The following DLC1 variants were observed in gnomAD, a reference collection of about 807,000 sequenced individuals.
The protein encoded by DLC1 is rho GTPase-activating protein 7.
Under a neutral mutation model 140.3 loss-of-function variants are expected in DLC1, and 54 were observed. That is an observed-to-expected ratio of 0.38 (90% CI 0.31 to 0.48). The LOEUF (loss-of-function observed/expected upper bound fraction) is 0.48, where lower values mean the gene tolerates loss of function less well. DLC1 is among the 20% of genes least tolerant of loss of function. The probability of loss-of-function intolerance (pLI) is 0.96; values close to 1 mark genes in which losing one functional copy is unlikely to be tolerated. For synonymous variants in DLC1, 986 were observed against 728.1 expected, an observed-to-expected ratio of 1.35 and a Z score of -5.70; for missense variants, 2,536 against 1,907.0, an observed-to-expected ratio of 1.33 and a Z score of -6.14.
chr8:13,544,671 A>G (rs974883705), intron 1 of DLC1, among the ~76,000 whole-genome samples: 8 of 152,198 alleles, frequency 5.3e-5, no homozygotes, highest in African/African-American at 1.9e-4. Context: ...CGAGATGAAG[A>G]AATGTAGTCA....
intron 5 of DLC1, among the ~76,000 whole-genome samples, chr8:13,255,045 C>T (rs557080881): frequency 3.9e-5 from 6 of 151,930 alleles, no homozygotes; most frequent in African/African-American, 9.7e-5. Flanking sequence ...GGCGCAATCT[C>T]GGCTCACTGC....
chr8:13,363,741 A>C (rs1406938422), intron 4 of DLC1, among the ~76,000 whole-genome samples: 2 of 152,192 alleles, frequency 1.3e-5, no homozygotes, highest in Non-Finnish European at 2.9e-5. Context: ...TAGGTCCAGC[A>C]AAATCTAAGG....
At chr8:13,584,749 C>G (rs528049209) in intron 1 of DLC1, among the ~76,000 whole-genome samples, 2 of 152,236 alleles carry the variant, frequency 1.3e-5, no homozygotes, top group African/African-American at 4.8e-5. Flanking sequence ...CGAAGGGCAA[C>G]TTTCGCTCAA....
At chr8:13,249,538 A>C (rs950118255) in intron 5 of DLC1, among the ~76,000 whole-genome samples, 1 of 152,114 alleles carries the variant, frequency 6.6e-6, no homozygotes, top group African/African-American at 2.4e-5. Context: ...CCTCCTAGCC[A>C]AGGCTCTCTT....
chr8:13,568,008 T>C (rs2117402520), intron 1 of DLC1: 3 of 1,460,598 alleles, frequency 2.1e-6, no homozygotes, highest in East Asian at 2.5e-5. Flanking sequence ...CTACAGGCAC[T>C]TGGGAAACTA....
At chr8:13,593,762 G>C (rs1048192921) in intron 1 of DLC1, among the ~76,000 whole-genome samples, 6 of 152,102 alleles carry the variant, frequency 3.9e-5, no homozygotes, top group Non-Finnish European at 8.8e-5. Context: ...GTTATACTCA[G>C]AAGTGAAACA....
chr8:13,297,286 A>AAAAAAAAAAAAAAAAAAAAAAAAAAC (rs1294211302), intron 5 of DLC1, among the ~76,000 whole-genome samples: 1 of 141,082 alleles, frequency 7.1e-6, no homozygotes. Flanking sequence ...ATACATTAAA[A>AAAAAAAAAAAAAAAAAAAAAAAAAAC]AAAAAAAAAA....
intron 2 of DLC1, among the ~76,000 whole-genome samples, chr8:13,460,452 A>G (rs972417719): frequency 1.3e-5 from 2 of 152,174 alleles, no homozygotes; most frequent in Non-Finnish European, 2.9e-5. Flanking sequence ...TTTAGACCTG[A>G]TTGTGTGTGG....
At chr8:13,305,736 C>G (rs966358302) in intron 4 of DLC1, among the ~76,000 whole-genome samples, 4 of 152,128 alleles carry the variant, frequency 2.6e-5, no homozygotes, top group Admixed American at 6.6e-5. Flanking sequence ...ACTTGGAAGG[C>G]TGAGGTAGGA....
chr8:13,090,174 G>T, intron 15 of DLC1, 78 bp downstream of exon 15: 1 of 1,385,630 alleles, frequency 7.2e-7, no homozygotes, highest in Non-Finnish European at 1.0e-6. Context: ...CAGATTAGTT[G>T]GCAAAAGCGT....
chr8:13,447,380 C>A (rs1193853179), intron 2 of DLC1, among the ~76,000 whole-genome samples: 3 of 152,118 alleles, frequency 2.0e-5, no homozygotes, highest in Admixed American at 6.6e-5. Context: ...TTGAGTAATA[C>A]CTATTTGGCA....
chr8:13,253,447 G>A (rs746551813), intron 5 of DLC1, among the ~76,000 whole-genome samples: 3 of 152,084 alleles, frequency 2.0e-5, no homozygotes, highest in Non-Finnish European at 4.4e-5. Flanking sequence ...GTGTGTGTGT[G>A]TGTGATTGTA....
chr8:13,418,023 T>C (rs570030134), intron 2 of DLC1, among the ~76,000 whole-genome samples: 4 of 152,350 alleles, frequency 2.6e-5, no homozygotes, highest in African/African-American at 7.2e-5. Context: ...TTTTGAGAAG[T>C]GTCTGTTCAT....
chr8:13,099,735 A>G lies in DLC1; in HGVS notation c.2602T>C (p.Ser868Pro). The G allele has an allele frequency of 6.2e-7, 1 of 1,614,036 alleles. No individual in the cohort carries two copies. The highest frequency in any genetic ancestry group is 8.5e-7 in the Non-Finnish European group (1 of 1,180,012). ...DSPKELKRRNSSSSMSSRLSI... is the reference protein window; with the variant it reads ...DSPKELKRRNPSSSMSSRLSI... Reference sequence around the variant, plus strand: ...AGGCGGCTGCTCATGGAGCTGGAAGAATTGCGTCTCTTCAGTTCCTTGGGG... The same window carrying G: ...AGGCGGCTGCTCATGGAGCTGGAAGGATTGCGTCTCTTCAGTTCCTTGGGG... The change falls in exon 9 of 18, where the codon TCT (serine) becomes CCT (proline). Residue 868 changes from serine (S) to proline (P), a missense_variant. Coordinates refer to ENST00000276297, the MANE Select transcript of DLC1 (RefSeq NM_182643.3).
intron 4 of DLC1, among the ~76,000 whole-genome samples, chr8:13,377,284 T>G (rs1401268474): frequency 3.3e-5 from 5 of 152,196 alleles, no homozygotes; most frequent in Non-Finnish European, 7.3e-5. Context: ...AAGTGTGGAA[T>G]TTGGAAGTAA....
intron 4 of DLC1, among the ~76,000 whole-genome samples, chr8:13,380,256 T>C (rs1047892524): frequency 6.6e-6 from 1 of 152,212 alleles, no homozygotes; most frequent in African/African-American, 2.4e-5. Flanking sequence ...TATGTTATTC[T>C]CCCCGGAAAA....
intron 14 of DLC1, among the ~76,000 whole-genome samples, chr8:13,090,933 T>C (rs1374299016): frequency 1.3e-5 from 2 of 151,366 alleles, no homozygotes; most frequent in Non-Finnish European, 2.9e-5. Context: ...GCCTCCCAAG[T>C]AGTTGAGACT....
intron 1 of DLC1, among the ~76,000 whole-genome samples, chr8:13,531,009 G>C (rs1585246645): frequency 6.6e-6 from 1 of 152,148 alleles, no homozygotes; most frequent in South Asian, 2.1e-4. Flanking sequence ...AGTTAGGAAA[G>C]AGTGACTCTC....
chr8:13,566,833 C>A (rs1038510323), intron 1 of DLC1: 7 of 969,866 alleles, frequency 7.2e-6, no homozygotes, highest in Middle Eastern at 3.3e-4. Flanking sequence ...CATGAGCGGC[C>A]CGCGTTGCCA....
Sources: gnomAD v4.1 joint callset for allele counts (sites outside exome capture counted in the v4.1 genomes callset) on GRCh38, gnomAD v4.1.1 for gene constraint, MANE v1.5 for transcripts, NCBI Gene and HGNC (gene_info 2026-07-23, HGNC 2026-07-21) for gene names.